Variants in PRMT8 observed in about 807,000 individuals in gnomAD.
The protein encoded by PRMT8 is protein arginine methyltransferase 8, also known as protein arginine N-methyltransferase 8.
Under a neutral mutation model 47.1 loss-of-function variants are expected in PRMT8, and 7 were observed. That is an observed-to-expected ratio of 0.15 (90% CI 0.08 to 0.28). The LOEUF (loss-of-function observed/expected upper bound fraction) is 0.28. PRMT8 is among the 10% of genes least tolerant of loss of function. The pLI is 1.00. For synonymous variants in PRMT8, 188 were observed against 186.5 expected (o/e 1.01, Z -0.07); for missense variants, 237 against 505.4 (o/e 0.47, Z 5.09).
In PRMT8 at chr12:3,456,941, G is replaced by T. The variant is rs924783770; in HGVS notation, c.48+75499G>T. Among the ~76,000 whole-genome samples the T allele has an allele frequency of 2.0e-5, 3 of 152,140 alleles. No individual in the cohort carries two copies. The highest frequency in any genetic ancestry group is 4.4e-5 in the Non-Finnish European group (3 of 68,028). On this transcript the variant is annotated intron_variant, in intron 1 of 9. Transcript: ENST00000452611. This position sits in a 1 kb window ranked among gnomAD's most constrained non-coding sequence, Gnocchi z 4.2. ...GCTGACGTCCTAGCCGTGTTAAGGGGGTGGGGGCTCTGGCCTCGCTGACCT... is the reference window on the plus strand; with the variant it reads ...GCTGACGTCCTAGCCGTGTTAAGGGTGTGGGGGCTCTGGCCTCGCTGACCT...
chr12:3,586,355 G>A (rs1164690733), intron 8 of PRMT8, among the ~76,000 whole-genome samples: 1 of 152,156 alleles, frequency 6.6e-6, no homozygotes, highest in Admixed American at 6.5e-5. Context: ...CTAGTCTTTG[G>A]TCACACCCCC....
chr12:3,511,280 C>T (rs902413587), intron 1 of PRMT8, among the ~76,000 whole-genome samples: 7 of 152,072 alleles, frequency 4.6e-5, no homozygotes, highest in Non-Finnish European at 1.0e-4. Context: ...TGAATTCGTG[C>T]TGTTGAAAAT....
chr12:3,539,411 C>T (rs1403375290), intron 1 of PRMT8, among the ~76,000 whole-genome samples: 4 of 152,156 alleles, frequency 2.6e-5, no homozygotes, highest in Non-Finnish European at 4.4e-5. Context: ...CGCTATCTGC[C>T]TCCTAGTATC....
chr12:3,563,874 T>A (rs1409850018), intron 4 of PRMT8, among the ~76,000 whole-genome samples: 2 of 152,190 alleles, frequency 1.3e-5, no homozygotes, highest in Non-Finnish European at 2.9e-5. Flanking sequence ...TGCTAGTAAT[T>A]TTTTACTGTC....
At chr12:3,441,653 C>T (rs984513401) in intron 1 of PRMT8, among the ~76,000 whole-genome samples, 2 of 152,204 alleles carry the variant, frequency 1.3e-5, no homozygotes, top group Non-Finnish European at 2.9e-5. Flanking sequence ...CACTGGCCAT[C>T]CCTGAGGAGT....
intron 1 of PRMT8, among the ~76,000 whole-genome samples, chr12:3,422,377 A>C (rs1272096754): frequency 6.6e-6 from 1 of 152,210 alleles, no homozygotes; most frequent in East Asian, 1.9e-4. Context: ...CCTCAGCTGT[A>C]GCAGCACAAG....
intron 2 of PRMT8, among the ~76,000 whole-genome samples, chr12:3,543,480 T>C (rs1035024182): frequency 6.6e-6 from 1 of 152,166 alleles, no homozygotes; most frequent in African/African-American, 2.4e-5. Context: ...CGCTGGCCAT[T>C]TGGCAGTCTT....
At chr12:3,531,600 CATT>C (rs982446901) in intron 1 of PRMT8, among the ~76,000 whole-genome samples, 9 of 152,190 alleles carry the variant, frequency 5.9e-5, no homozygotes, top group African/African-American at 1.4e-4. Context: ...TTGAAGCAGA[CATT>C]GTTGTTGTAC....
At chr12:3,565,556 G>T (rs1257573625) in intron 4 of PRMT8, among the ~76,000 whole-genome samples, 1 of 152,156 alleles carries the variant, frequency 6.6e-6, no homozygotes, top group Non-Finnish European at 1.5e-5. Flanking sequence ...GTAGAAGGGT[G>T]ATGTTAAGAG....
At chr12:3,578,308 A>G (rs960524096) in intron 7 of PRMT8, among the ~76,000 whole-genome samples, 1 of 152,134 alleles carries the variant, frequency 6.6e-6, no homozygotes, top group Non-Finnish European at 1.5e-5. Context: ...AGCTCACTGC[A>G]GCCTCACTGA....
intron 1 of PRMT8, among the ~76,000 whole-genome samples, chr12:3,534,154 C>T (rs1377547823): frequency 6.6e-6 from 1 of 152,278 alleles, no homozygotes; most frequent in Non-Finnish European, 1.5e-5. Flanking sequence ...TTTCTTCCCT[C>T]CGTGGGCCCT....
At chr12:3,541,938 T>C (rs1196306395) in intron 2 of PRMT8, among the ~76,000 whole-genome samples, 1 of 152,220 alleles carries the variant, frequency 6.6e-6, no homozygotes, top group African/African-American at 2.4e-5. Context: ...TTTTTTTGTG[T>C]GCGTGTGTGC....
At position 3,569,622 on chromosome 12, in the gene PRMT8, C is replaced by G; in HGVS notation, c.712+58C>G. 1.4e-6 allele frequency: 2 copies of G among 1,388,782 alleles called. No individual in the cohort carries two copies. Among genetic ancestry groups the G allele is most frequent in the Admixed American group, 3.4e-5 (2 of 59,638 alleles). 86.0% of individuals were successfully genotyped at this position (1,388,782 alleles called of 1,614,324 possible). ...CACTGCACAATTGGGGTGGGAGGCA[C>G]TCCAGTGGGCCCGAGATGAGCAGGC... On this transcript the variant is annotated intron_variant, in intron 6 of 9. Transcript: ENST00000382622. This position sits in a 1 kb window ranked among gnomAD's most constrained non-coding sequence, Gnocchi z 8.2.
intron 1 of PRMT8, among the ~76,000 whole-genome samples, chr12:3,512,096 A>ACCC (rs1289138657): frequency 6.6e-6 from 1 of 151,216 alleles, no homozygotes; most frequent in Non-Finnish European, 1.5e-5. Flanking sequence ...GGCCTTGGAG[A>ACCC]CCCCCTTGTG....
chr12:3,593,395 C>T lies in PRMT8; in HGVS notation c.*213C>T, dbSNP rs1283640140. On this transcript the variant is annotated 3_prime_UTR_variant, in exon 10 of 10. Transcript: ENST00000382622. This position sits in a 1 kb window ranked among gnomAD's most constrained non-coding sequence, Gnocchi z 4.8. ...TCCGCTCTGCCCTGGTAGCCCTTCA[C>T]GAAGGCTTTGTGTTGCCAACAAAGA... 6 of 543,886 alleles carry T rather than the reference C, an allele frequency of 1.1e-5. No individual in the cohort carries two copies. Among genetic ancestry groups the T allele is most frequent in the East Asian group, 3.3e-5 (1 of 30,432 alleles). The allele number at this position is 543,886 out of a possible 1,614,324, so 33.7% of individuals were successfully genotyped here.
At position 3,531,324 on chromosome 12, in the gene PRMT8, A is replaced by T. The variant is rs11062708; in HGVS notation, c.76-9282A>T. ...GGGAAGAGGGAGGAAGAGGAGGGGAATGCATAGGGAAGTCTGCTTTTAAGC... is the reference window on the plus strand; with the variant it reads ...GGGAAGAGGGAGGAAGAGGAGGGGATTGCATAGGGAAGTCTGCTTTTAAGC... On this transcript the variant is annotated intron_variant, in intron 1 of 9. Coordinates refer to ENST00000382622, the MANE Select transcript of PRMT8 (RefSeq NM_019854.5). 2.6e-3 allele frequency among the ~76,000 whole-genome samples: 398 copies of T among 152,282 alleles called. 7 individuals carry two copies. The East Asian group carries it at 0.057, about 22-fold the overall frequency.
At chr12:3,403,932 A>G (rs935319210) in intron 1 of PRMT8, among the ~76,000 whole-genome samples, 2 of 151,312 alleles carry the variant, frequency 1.3e-5, no homozygotes, top group Non-Finnish European at 2.9e-5. Context: ...AAAAATTGCT[A>G]TTTCAGGATA....
intron 1 of PRMT8, among the ~76,000 whole-genome samples, 200 bp downstream of exon 1, chr12:3,491,900 T>TG (rs1172380226): frequency 5.4e-4 from 7 of 12,864 alleles, no homozygotes; most frequent in Non-Finnish European, 1.0e-3. Flanking sequence ...TGGTGGGGGG[T>TG]GGGGGGGAAG....
At chr12:3,591,026 G>A (rs1867289083) in intron 8 of PRMT8, among the ~76,000 whole-genome samples, 1 of 152,116 alleles carries the variant, frequency 6.6e-6, no homozygotes, top group African/African-American at 2.4e-5. Context: ...TCCAGGTTTT[G>A]CGGGTCAGGC....
Sources: allele counts gnomAD v4.1 joint callset (sites outside exome capture counted in the v4.1 genomes callset), GRCh38; gene constraint gnomAD v4.1.1; non-coding constraint Gnocchi (gnomAD v3.1); transcripts MANE v1.5; gene names NCBI Gene and HGNC (gene_info 2026-07-23, HGNC 2026-07-21).